GLIS3: variants seen among roughly 807,000 people sequenced by gnomAD.
GLIS3 encodes GLIS family zinc finger 3.
A neutral mutation model predicts 78.6 loss-of-function variants in GLIS3; 53 were observed. That is an observed-to-expected ratio of 0.67 (90% CI 0.54 to 0.85). The LOEUF is 0.85. GLIS3 is among the 40% of genes least tolerant of loss of function. The pLI is 0.00. For missense variants in GLIS3, 1,703 were observed against 1,231.1 expected (o/e 1.38, Z -5.74); for synonymous variants, 684 against 509.9 (o/e 1.34, Z -4.60).
intron 4 of GLIS3, among the ~76,000 whole-genome samples, chr9:3,975,542 T>G (rs1818712613): frequency 6.6e-6 from 1 of 151,538 alleles, no homozygotes; most frequent in Non-Finnish European, 1.5e-5. Flanking sequence ...TACTTTATTG[T>G]GTTTCTGCAT....
chr9:4,416,440 C>T, the GLIS3 span, among the ~76,000 whole-genome samples: 5 of 151,682 alleles, frequency 3.3e-5, no homozygotes, highest in Admixed American at 1.3e-4. Flanking sequence ...TAATATAAAA[C>T]GTTAGGAATA....
the GLIS3 span, among the ~76,000 whole-genome samples, chr9:4,440,109 A>G: frequency 6.6e-6 from 1 of 152,166 alleles, no homozygotes; most frequent in Non-Finnish European, 1.5e-5. Context: ...TCAGACGTGT[A>G]GTTTTCAAAT....
chr9:4,431,712 C>G, the GLIS3 span, among the ~76,000 whole-genome samples: 1 of 151,998 alleles, frequency 6.6e-6, no homozygotes, highest in African/African-American at 2.4e-5. Flanking sequence ...GGTGTGGTGG[C>G]ACATGCCTGT....
chr9:4,416,932 C>T, the GLIS3 span, among the ~76,000 whole-genome samples: 1 of 149,504 alleles, frequency 6.7e-6, no homozygotes, highest in Admixed American at 6.8e-5. Flanking sequence ...GATTCTCCTT[C>T]CTCAGCCTAG....
chr9:3,956,683 AT>A (rs1817133277), intron 4 of GLIS3, among the ~76,000 whole-genome samples: 1 of 151,878 alleles, frequency 6.6e-6, no homozygotes, highest in African/African-American at 2.4e-5. Flanking sequence ...GACCAGTTGT[AT>A]TTTTTTCCTC....
At chr9:3,890,010 C>T (rs1822327387) in intron 7 of GLIS3, among the ~76,000 whole-genome samples, 1 of 152,074 alleles carries the variant, frequency 6.6e-6, no homozygotes. Context: ...TTTTTAGACA[C>T]CTGAGAGTAT....
chr9:4,449,929 C>A, the GLIS3 span, among the ~76,000 whole-genome samples: 2 of 152,108 alleles, frequency 1.3e-5, no homozygotes, highest in Non-Finnish European at 2.9e-5. Flanking sequence ...AAAACCAGAG[C>A]GCCTCTTCTC....
the GLIS3 span, among the ~76,000 whole-genome samples, chr9:4,471,683 G>A: frequency 6.6e-6 from 1 of 152,152 alleles, no homozygotes; most frequent in Non-Finnish European, 1.5e-5. Context: ...TACCATTCAA[G>A]CCATCGGCAT....
intron 1 of GLIS3, among the ~76,000 whole-genome samples, chr9:4,348,006 C>T (rs1293448224): frequency 1.3e-5 from 2 of 152,004 alleles, no homozygotes; most frequent in East Asian, 1.9e-4. Flanking sequence ...ACAGGATATG[C>T]CAAAAACCAA....
intron 2 of GLIS3, among the ~76,000 whole-genome samples, chr9:4,209,817 C>CTA: frequency 6.8e-6 from 1 of 147,502 alleles, no homozygotes; most frequent in Non-Finnish European, 1.5e-5. Flanking sequence ...GCATTCCCGC[C>CTA]CCCCCCCAGT....
rs145856209 is a variant in GLIS3, at chr9:3,964,020, G to A, written c.1711-26831C>T. 2.1e-3 allele frequency among the ~76,000 whole-genome samples: 314 copies of A among 152,212 alleles called. 3 individuals are homozygous for A. Among genetic ancestry groups the A allele is most frequent in the African/African-American group, 7.0e-3 (289 of 41,518 alleles). On this transcript the variant is annotated intron_variant, in intron 4 of 10. Coordinates refer to ENST00000381971, the MANE Select transcript of GLIS3 (RefSeq NM_001042413.2). ...CCATGCATGTTCTGAGTAAACAACTGCGTCCCCGCACACTAACTGGTAGAA... is the reference window on the plus strand; with the variant it reads ...CCATGCATGTTCTGAGTAAACAACTACGTCCCCGCACACTAACTGGTAGAA...
At chr9:4,166,333 G>A (rs1159788392) in intron 2 of GLIS3, among the ~76,000 whole-genome samples, 1 of 152,214 alleles carries the variant, frequency 6.6e-6, no homozygotes, top group Non-Finnish European at 1.5e-5. Flanking sequence ...AGGGTGGAAA[G>A]GAAAGCTGCA....
chr9:4,418,110 A>G, the GLIS3 span, among the ~76,000 whole-genome samples: 131 of 152,356 alleles, frequency 8.6e-4, no homozygotes, highest in Middle Eastern at 3.4e-3. Context: ...ACACTGGGCT[A>G]GAGGTCTTAA....
chr9:4,422,922 T>C, the GLIS3 span, among the ~76,000 whole-genome samples: 1 of 152,214 alleles, frequency 6.6e-6, no homozygotes, highest in Non-Finnish European at 1.5e-5. Context: ...CCAGACTTCT[T>C]AAACAGTGGT....
At chr9:3,953,370 A>G (rs1477680197) in intron 4 of GLIS3, among the ~76,000 whole-genome samples, 1 of 152,154 alleles carries the variant, frequency 6.6e-6, no homozygotes, top group African/African-American at 2.4e-5. Flanking sequence ...CTTTCCATTT[A>G]TGTGATCAAT....
At chr9:4,402,247 T>C in the GLIS3 span, among the ~76,000 whole-genome samples, 1 of 152,146 alleles carries the variant, frequency 6.6e-6, no homozygotes, top group South Asian at 2.1e-4. Flanking sequence ...CCAAATCTCA[T>C]CCAAGACCAC....
At chr9:3,861,209 C>G (rs1405507770) in intron 8 of GLIS3, among the ~76,000 whole-genome samples, 1 of 152,126 alleles carries the variant, frequency 6.6e-6, no homozygotes, top group African/African-American at 2.4e-5. Flanking sequence ...ATTAGAACGT[C>G]TATAGAGTTC....
chr9:4,073,321 T>G (rs549982412), intron 4 of GLIS3, among the ~76,000 whole-genome samples: 3 of 152,316 alleles, frequency 2.0e-5, no homozygotes, highest in Non-Finnish European at 4.4e-5. Context: ...TCAAATCACC[T>G]GGGGATTTGC....
intron 4 of GLIS3, among the ~76,000 whole-genome samples, chr9:4,076,506 G>A (rs950838475): frequency 6.6e-6 from 1 of 151,964 alleles, no homozygotes; most frequent in South Asian, 2.1e-4. Flanking sequence ...ACTATAATTA[G>A]TATATTCTAA....
Sources: allele counts gnomAD v4.1 joint callset (sites outside exome capture counted in the v4.1 genomes callset), GRCh38; gene constraint gnomAD v4.1.1; transcripts MANE v1.5; gene names NCBI Gene and HGNC (gene_info 2026-07-23, HGNC 2026-07-21).